The following MYBPC1 variants were observed in gnomAD, a reference collection of about 807,000 sequenced individuals.
MYBPC1 encodes myosin binding protein C1, also known as myosin-binding protein C, slow-type.
In MYBPC1, 52 loss-of-function variants were observed where a neutral mutation model predicts 147.1. The ratio of observed to expected loss-of-function variants is 0.35; its 90% CI spans 0.28 to 0.45. The LOEUF is 0.45. Among genes scored for constraint, MYBPC1 ranks in the 20% least tolerant of loss-of-function variants. MYBPC1 has a pLI of 1.00. For missense variants in MYBPC1, 1,228 were observed against 1,440.3 expected, an observed-to-expected ratio of 0.85 and a Z score of 2.39; for synonymous variants, 477 against 475.9, an observed-to-expected ratio of 1.00 and a Z score of -0.03.
chr12:101,652,813 G>T lies in MYBPC1; in HGVS notation c.1633+29G>T, dbSNP rs558695098. On this transcript the variant is annotated intron_variant, in intron 17 of 31. Transcript: ENST00000361466. ...AGTAGATAAAATAATTCATTGCATA[G>T]TTGTGTTCTTTTTTGTTTGCTTTTG... 1.5e-4 allele frequency: 239 copies of T among 1,558,628 alleles called. 5 individuals are homozygous for T. In the South Asian group the frequency reaches 2.5e-3, roughly 17 times the overall value.
intron 11 of MYBPC1, among the ~76,000 whole-genome samples, chr12:101,643,864 T>G (rs749222233): frequency 1.7e-4 from 26 of 152,088 alleles, no homozygotes; most frequent in Non-Finnish European, 2.9e-4. Flanking sequence ...GTATAAAAAC[T>G]TTAGTAAGCC....
intron 28 of MYBPC1, 30 bp downstream of exon 28, chr12:101,678,268 A>T: frequency 6.2e-7 from 1 of 1,611,928 alleles, no homozygotes; most frequent in Non-Finnish European, 8.5e-7. Context: ...CATCAGTTAA[A>T]GTCCCTGTCT....
rs1332529116 is a variant in MYBPC1, at chr12:101,667,856, G to C, written c.2481G>C (p.Glu827Asp). The C allele has an allele frequency of 1.9e-6, 3 of 1,614,010 alleles. No individual in the cohort carries two copies. In the Admixed American group the frequency reaches 5.0e-5, roughly 27 times the overall value. Residue 827 changes from glutamate to aspartate, a missense_variant, in exon 23 of 32, where the codon GAG (glutamate) becomes GAC (aspartate). Physicochemically the swap from Glu to Asp is conservative, Grantham distance 45. Transcript: ENST00000361466. ...VKAVNAAGAS[E>D]PKYYSQPILV... ...CTGTTAATGCAGCTGGTGCCAGCGA[G>C]CCCAAGTACTATTCTCAGCCCATTC...
In MYBPC1 at chr12:101,678,331, C is replaced by G. The variant is rs901705430; in HGVS notation, c.3246+93C>G. The G allele has an allele frequency of 5.2e-6, 8 of 1,537,670 alleles. No homozygotes were observed. In the East Asian group the frequency reaches 1.6e-4, roughly 30 times the overall value. On this transcript the variant is annotated intron_variant, in intron 28 of 31. Transcript: ENST00000361466. The stretch of plus-strand genomic sequence containing the variant: ...ACAATGTAAACAAATCCAGCTGCTA[C>G]TTGTGTCTTCCCAGGATGGGGGATT...
At chr12:101,614,439 G>T (rs918826349) in intron 1 of MYBPC1, 57 bp from the exon 2 acceptor site, 2 of 1,547,740 alleles carry the variant, frequency 1.3e-6, no homozygotes. Flanking sequence ...GCTGTAGAAA[G>T]CAGTTCTTCT....
Position 101,632,048 on chromosome 12 carries a change from A to G in MYBPC1, c.466A>G (p.Lys156Glu). The G allele has an allele frequency of 6.2e-7, 1 of 1,613,770 alleles. No individual in the cohort carries two copies. The highest frequency in any genetic ancestry group is 8.5e-7 in the Non-Finnish European group (1 of 1,179,618). ...RVYTFEMQII[K>E]AKDNFAGNYR... ...GTACACATTTGAGATGCAGATCATC[A>G]AGGCCAAAGATAACTTTGCAGGAAA... is the stretch of plus-strand genomic sequence containing the variant. The change falls in exon 8 of 32, where the codon AAG becomes GAG. Residue 156 changes from lysine (K) to glutamate (E), a missense_variant. Around this residue, in one of 2 missense-constraint regions of MYBPC1, gnomAD observed 1,077 missense variants for 1,314.2 expected, o/e 0.82. Coordinates refer to ENST00000361466, the MANE Select transcript of MYBPC1 (RefSeq NM_002465.4).
chr12:101,645,079 C>G (rs1892795993), intron 12 of MYBPC1, among the ~76,000 whole-genome samples: 1 of 151,964 alleles, frequency 6.6e-6, no homozygotes, highest in Non-Finnish European at 1.5e-5. Flanking sequence ...AGAGTATTGC[C>G]AAATTTCTCC....
chr12:101,626,085 T>C, intron 3 of MYBPC1, among the ~76,000 whole-genome samples: 1 of 40,010 alleles, frequency 2.5e-5, no homozygotes, highest in Admixed American at 2.0e-4. Context: ...TGAAACTCTG[T>C]CTCAAAAAAA....
At chr12:101,673,740 T>A (rs1208245113) in intron 25 of MYBPC1, 118 bp downstream of exon 25, 2 of 1,120,028 alleles carry the variant, frequency 1.8e-6, no homozygotes, top group African/African-American at 1.6e-5. Context: ...AACTCTTTTT[T>A]TAGATTTATT....
chr12:101,608,721 G>C (rs991333186), intron 1 of MYBPC1, among the ~76,000 whole-genome samples: 2 of 152,162 alleles, frequency 1.3e-5, no homozygotes, highest in Non-Finnish European at 2.9e-5. Context: ...TTTTAAAAGC[G>C]GGGGATTCCT....
At chr12:101,660,200 A>G (rs1896281417) in intron 19 of MYBPC1, 2 of 341,012 alleles carry the variant, frequency 5.9e-6, no homozygotes, top group African/African-American at 2.1e-5. Context: ...CTAGCAGATT[A>G]CTACTGTTCC....
intron 3 of MYBPC1, among the ~76,000 whole-genome samples, chr12:101,626,114 T>G (rs1053805929): frequency 3.1e-5 from 3 of 98,244 alleles, no homozygotes; most frequent in South Asian, 3.8e-4. Context: ...AAAAAAAAAT[T>G]TATCCTTCTA....
chr12:101,642,597 C>A lies in MYBPC1; in HGVS notation c.832+12C>A. ...GAAGAAGAGCGCAGGTGAGCGCTCC[C>A]GGGGGCGAGGCAGCGGCCGAGGGGC... On this transcript the variant is annotated intron_variant, in intron 11 of 31. Coordinates refer to ENST00000361466, the MANE Select transcript of MYBPC1 (RefSeq NM_002465.4). 1 of 1,605,342 alleles carries A rather than the reference C, an allele frequency of 6.2e-7. No individual in the cohort carries two copies. Among genetic ancestry groups the A allele is most frequent in the African/African-American group, 1.3e-5 (1 of 74,988 alleles).
chr12:101,671,744 T>C (rs567172219), intron 24 of MYBPC1, among the ~76,000 whole-genome samples: 1 of 152,298 alleles, frequency 6.6e-6, no homozygotes, highest in South Asian at 2.1e-4. Flanking sequence ...TCTGGGGGTC[T>C]GCGTGTTCAG....
intron 1 of MYBPC1, among the ~76,000 whole-genome samples, chr12:101,596,978 A>G (rs1877501801): frequency 6.6e-6 from 1 of 152,238 alleles, no homozygotes; most frequent in South Asian, 2.1e-4. Context: ...TTTAAAATCC[A>G]TTGAGGAAGT....
At chr12:101,629,318 C>A in intron 5 of MYBPC1, 116 bp from the exon 6 acceptor site, 1 of 742,738 alleles carries the variant, frequency 1.3e-6, no homozygotes, top group Non-Finnish European at 2.4e-6. Flanking sequence ...TTGTATTTAT[C>A]TAGGTTTATT....
At chr12:101,630,699 G>A (rs1889706569) in intron 6 of MYBPC1, among the ~76,000 whole-genome samples, 1 of 152,164 alleles carries the variant, frequency 6.6e-6, no homozygotes, top group South Asian at 2.1e-4. Flanking sequence ...AGTATAACAT[G>A]TGAGCACTCA....
chr12:101,692,731 A>G, the MYBPC1 span, among the ~76,000 whole-genome samples: 1 of 152,184 alleles, frequency 6.6e-6, no homozygotes, highest in Non-Finnish European at 1.5e-5. Context: ...AATGGAGGGG[A>G]GCCATGATTC....
At chr12:101,617,625 G>T (rs1022869028) in intron 3 of MYBPC1, among the ~76,000 whole-genome samples, 1 of 151,918 alleles carries the variant, frequency 6.6e-6, no homozygotes, top group African/African-American at 2.4e-5. Context: ...TCATGTTATT[G>T]TGTGAACTGT....
Sources: allele counts gnomAD v4.1 joint callset (sites outside exome capture counted in the v4.1 genomes callset), GRCh38; gene constraint gnomAD v4.1.1; regional missense constraint gnomAD v4.1.1; transcripts MANE v1.5; gene names NCBI Gene and HGNC (gene_info 2026-07-23, HGNC 2026-07-21).